The following FCGRT variants were observed in gnomAD, a reference collection of about 807,000 sequenced individuals.
FCGRT encodes the protein Fc gamma receptor and transporter.
In FCGRT, 13 loss-of-function variants were observed where a neutral mutation model predicts 35.7. The observed-to-expected ratio is 0.36, with a 90% CI of 0.24 to 0.58. The LOEUF is 0.58. Ranked by LOEUF, FCGRT falls within the 20% of genes least tolerant of loss-of-function variation. The pLI, the probability that FCGRT is intolerant of heterozygous loss-of-function variation, is 0.77. For missense variants in FCGRT, 455 were observed against 474.9 expected (o/e 0.96, Z 0.39); for synonymous variants, 233 against 216.5 (o/e 1.08, Z -0.67).
intron 6 of FCGRT, 30 bp downstream of exon 6, chr19:49,525,603 A>G (rs1279103587): frequency 1.4e-6 from 2 of 1,444,194 alleles, no homozygotes; most frequent in Non-Finnish European, 1.9e-6. Flanking sequence ...AGAGCCTCTG[A>G]GAGAGGGACA....
intron 1 of FCGRT, chr19:49,513,114 G>A (rs1246442283): frequency 3.8e-6 from 1 of 261,996 alleles, no homozygotes; most frequent in Non-Finnish European, 7.2e-6. Flanking sequence ...CGGGGTCTGA[G>A]GGAGGAGGGG....
At chr19:49,516,792 G>A (rs1270057128) in intron 4 of FCGRT, among the ~76,000 whole-genome samples, 1 of 151,924 alleles carries the variant, frequency 6.6e-6, no homozygotes, top group Non-Finnish European at 1.5e-5. Flanking sequence ...TCCTGATCTC[G>A]TGATCTGCCT....
chr19:49,525,549 A>C lies in FCGRT; in HGVS notation c.964A>C (p.Arg322=). The C allele has an allele frequency of 6.2e-7, 1 of 1,612,932 alleles. No individual in the cohort carries two copies. Among genetic ancestry groups the C allele is most frequent in the Non-Finnish European group, 8.5e-7 (1 of 1,179,656 alleles). Residue 322 remains arginine (R), a synonymous_variant, in exon 6 of 7, where the codon AGA becomes CGA. Coordinates refer to ENST00000221466, the MANE Select transcript of FCGRT (RefSeq NM_001136019.3). The part of the protein sequence containing the change: ...AAAVGGALLW[R]RMRSGLPAPW... Reference sequence around the variant, plus strand: ...GGCTGTAGGAGGAGCTCTGTTGTGGAGAAGGATGAGGAGTGGGCTGCCAGG... The same window carrying C: ...GGCTGTAGGAGGAGCTCTGTTGTGGCGAAGGATGAGGAGTGGGCTGCCAGG...
chr19:49,525,001 G>GTTTAAATTTC, intron 5 of FCGRT: 1 of 681,836 alleles, frequency 1.5e-6, no homozygotes. Context: ...AGTCTGAAGA[G>GTTTAAATTTC]CTGTTAACTA....
chr19:49,514,599 C>T (rs2079996070), intron 4 of FCGRT, 113 bp downstream of exon 4: 3 of 1,018,018 alleles, frequency 2.9e-6, no homozygotes, highest in Admixed American at 3.0e-5. Context: ...CCACGCTCTG[C>T]CCCCCCATTC....
chr19:49,524,206 CATGTTGG>C (rs2080058978), intron 4 of FCGRT, among the ~76,000 whole-genome samples: 1 of 151,944 alleles, frequency 6.6e-6, no homozygotes, highest in Admixed American at 6.6e-5. Context: ...GGGGTTTCAC[CATGTTGG>C]CCAGTGTGGT....
chr19:49,516,284 C>T (rs1767684785), intron 4 of FCGRT: 2 of 400,234 alleles, frequency 5.0e-6, no homozygotes, highest in Admixed American at 5.9e-5. Flanking sequence ...CTCTTGTCGC[C>T]CAGGCTGGAG....
chr19:49,521,896 C>G (rs1350794981), intron 4 of FCGRT: 3 of 151,790 alleles, frequency 2.0e-5, no homozygotes, highest in Non-Finnish European at 4.4e-5. Flanking sequence ...TCTTGAACTC[C>G]CGGCTTCCAG....
intron 6 of FCGRT, 183 bp from the exon 7 acceptor site, chr19:49,525,827 A>G: frequency 1.5e-6 from 1 of 667,100 alleles, no homozygotes; most frequent in Middle Eastern, 4.0e-4. Flanking sequence ...GACCCAGAGG[A>G]GGGAGGCAAA....
rs1029314255 is a variant in FCGRT at position 49,526,409 on chromosome 19, G to A, written c.*290G>A. The A allele has an allele frequency of 5.1e-5, 23 of 449,250 alleles. No individual in the cohort carries two copies. The Middle Eastern group carries it at 1.9e-3, about 37-fold the overall frequency. The allele number at this position is 449,250 out of a possible 1,614,324, so 27.8% of individuals were successfully genotyped here. ...GGGGACTGAATGGCGGCTGGGCCTC[G>A]GATCTCTCCTACAGGTAACATGCTG... On this transcript the variant is annotated 3_prime_UTR_variant, in exon 7 of 7. Transcript: ENST00000221466.
At chr19:49,522,926 G>A (rs1010663118) in intron 4 of FCGRT, among the ~76,000 whole-genome samples, 11 of 150,982 alleles carry the variant, frequency 7.3e-5, no homozygotes, top group African/African-American at 1.5e-4. Context: ...TACAGGCGCC[G>A]GCCACCACGC....
chr19:49,516,973 T>G (rs2080011347), intron 4 of FCGRT, among the ~76,000 whole-genome samples: 1 of 152,036 alleles, frequency 6.6e-6, no homozygotes, highest in African/African-American at 2.4e-5. Context: ...GTGGATTGCT[T>G]GATCCCAGGA....
intron 4 of FCGRT, among the ~76,000 whole-genome samples, chr19:49,518,516 C>G (rs896656103): frequency 6.6e-6 from 1 of 151,496 alleles, no homozygotes; most frequent in African/African-American, 2.4e-5. Context: ...CAGGTGCACG[C>G]CATCAGGCCT....
At position 49,513,906 on chromosome 19, in the gene FCGRT, A is replaced by G. The variant is rs1263757524; in HGVS notation, c.98A>G (p.His33Arg). 7 of 1,607,540 alleles carry G rather than the reference A, an allele frequency of 4.4e-6. No individual in the cohort carries two copies. Among genetic ancestry groups the G allele is most frequent in the Non-Finnish European group, 4.2e-6 (5 of 1,177,186 alleles). The change falls in exon 3 of 7, where the codon CAC (histidine) becomes CGC (arginine). Residue 33 changes from histidine to arginine, a missense_variant. Coordinates refer to ENST00000221466, the MANE Select transcript of FCGRT (RefSeq NM_001136019.3). ...GAESHLSLLY[H>R]LTAVSSPAPG... ...GAAAGCCACCTCTCCCTCCTGTACC[A>G]CCTTACCGCGGTGTCCTCGCCTGCC...
intron 4 of FCGRT, among the ~76,000 whole-genome samples, chr19:49,515,911 A>C (rs541354537): frequency 1.8e-4 from 27 of 151,872 alleles, no homozygotes; most frequent in Non-Finnish European, 1.2e-4. Flanking sequence ...AGCCCTCCTT[A>C]TTCTTCAAGG....
At chr19:49,525,836 A>C in intron 6 of FCGRT, 174 bp from the exon 7 acceptor site, 1 of 681,614 alleles carries the variant, frequency 1.5e-6, no homozygotes, top group Non-Finnish European at 2.6e-6. Context: ...GAGGGAGGCA[A>C]AGATGTAGAA....
In FCGRT at chr19:49,513,389, C is replaced by A; in HGVS notation, c.-12C>A. ...TCACGTGCCCCCTCCCGCCCCAGGTCGTCCTCTCAGCATGGGGGTCCCGCG... is the reference window on the plus strand; with the variant it reads ...TCACGTGCCCCCTCCCGCCCCAGGTAGTCCTCTCAGCATGGGGGTCCCGCG... On this transcript the variant is annotated splice_region_variant and 5_prime_UTR_variant, in exon 2 of 7. Transcript: ENST00000221466. 1.6e-6 allele frequency: 2 copies of A among 1,231,120 alleles called. No individual in the cohort carries two copies. The highest frequency in any genetic ancestry group is 4.1e-5 in the South Asian group (1 of 24,132). The allele number at this position is 1,231,120 out of a possible 1,614,324, so 76.3% of individuals were successfully genotyped here.
At chr19:49,522,159 C>G (rs2122690589) in intron 4 of FCGRT, among the ~76,000 whole-genome samples, 1 of 151,270 alleles carries the variant, frequency 6.6e-6, no homozygotes, top group Admixed American at 6.6e-5. Context: ...ATAACTCACT[C>G]CAGCCTCAAA....
intron 2 of FCGRT, 184 bp downstream of exon 2, chr19:49,513,657 G>T: frequency 2.1e-6 from 1 of 466,292 alleles, no homozygotes; most frequent in Non-Finnish European, 3.6e-6. Flanking sequence ...GTCGCCTCTT[G>T]TGTCTGTTTC....
Sources: allele counts gnomAD v4.1 joint callset (sites outside exome capture counted in the v4.1 genomes callset), GRCh38; gene constraint gnomAD v4.1.1; transcripts MANE v1.5; gene names NCBI Gene and HGNC (gene_info 2026-07-23, HGNC 2026-07-21).